The following MSH6 variants were observed in gnomAD, a reference collection of about 807,000 sequenced individuals.
MSH6 encodes mutS homolog 6.
A neutral mutation model predicts 119.1 loss-of-function variants in MSH6; 85 were observed. That is an observed-to-expected ratio of 0.71 (90% CI 0.60 to 0.85). The LOEUF is 0.85. MSH6 is among the 40% of genes least tolerant of loss of function. The probability of loss-of-function intolerance (pLI) is 0.00; values close to 1 mark genes in which losing one functional copy is unlikely to be tolerated. For missense variants in MSH6, 2,163 were observed against 1,655.3 expected, an observed-to-expected ratio of 1.31 and a Z score of -5.32; for synonymous variants, 830 against 586.9, an observed-to-expected ratio of 1.41 and a Z score of -5.99.
chr2:47,799,771 T>G lies in MSH6; in HGVS notation c.1788T>G (p.Phe596Leu), dbSNP rs1669373352. The change falls in exon 4 of 10, where the codon TTT (phenylalanine) becomes TTG (leucine). Residue 596 changes from phenylalanine (F) to leucine (L), a missense_variant. By Grantham distance (22) the Phe-to-Leu change is conservative (BLOSUM62 0). Transcript: ENST00000234420. ...VAHYPPVQVL[F>L]EKGNLSKETK... ...ACTATCCCCCAGTACAAGTTTTATT[T>G]GAAAAAGGAAATCTCTCAAAGGAAA... 6.2e-7 allele frequency: 1 copy of G among 1,614,072 alleles called. No individual in the cohort carries two copies.
At chr2:47,795,772 A>G (rs1669042145) in intron 2 of MSH6, 122 bp from the exon 3 acceptor site, 3 of 830,482 alleles carry the variant, frequency 3.6e-6, no homozygotes, top group Non-Finnish European at 6.0e-6. Flanking sequence ...CACCTGGCAT[A>G]TATATATTTT....
Position 47,803,551 on chromosome 2 carries a change from A to C in MSH6, c.3304A>C (p.Thr1102Pro), listed in dbSNP as rs758782048. 6.2e-7 allele frequency: 1 copy of C among 1,614,140 alleles called. No individual in the cohort carries two copies. Among genetic ancestry groups the C allele is most frequent in the South Asian group, 1.1e-5 (1 of 91,082 alleles). The change falls in exon 5 of 10, where the codon ACT becomes CCT. Residue 1102 changes from threonine to proline, a missense_variant. Transcript: ENST00000234420. ...KGSRHPCITK[T>P]FFGDDFIPND... ...ATCACGCCATCCTTGCATTACGAAG[A>C]CTTTTTTTGGAGATGATTTTATTCC...
chr2:47,806,130 A>G, intron 7 of MSH6, 74 bp from the exon 8 acceptor site: 2 of 1,432,942 alleles, frequency 1.4e-6, no homozygotes, highest in Non-Finnish European at 2.0e-6. Flanking sequence ...TTTCTGTCCT[A>G]GCATTTTTGT....
At chr2:47,789,227 A>G (rs558961331) in intron 1 of MSH6, 6 of 287,960 alleles carry the variant, frequency 2.1e-5, no homozygotes, top group Admixed American at 5.2e-5. Context: ...CCCGGCCCAT[A>G]CTGCTATTTC....
intron 2 of MSH6, among the ~76,000 whole-genome samples, chr2:47,792,220 C>T (rs1191196536): frequency 6.6e-6 from 1 of 152,148 alleles, no homozygotes; most frequent in Non-Finnish European, 1.5e-5. Flanking sequence ...AACTTCTGAC[C>T]TCAGGTGATC....
chr2:47,794,693 C>A (rs1305628047), intron 2 of MSH6, among the ~76,000 whole-genome samples: 1 of 152,134 alleles, frequency 6.6e-6, no homozygotes, highest in Non-Finnish European at 1.5e-5. Context: ...GTTGGTTATT[C>A]TTTTATTTAT....
intron 8 of MSH6, 30 bp downstream of exon 8, chr2:47,806,388 T>A: frequency 6.2e-7 from 1 of 1,613,284 alleles, no homozygotes; most frequent in South Asian, 1.1e-5. Context: ...TTCCACAAAT[T>A]CGGTTTTTTG....
intron 2 of MSH6, among the ~76,000 whole-genome samples, chr2:47,792,228 A>T (rs1404614535): frequency 6.6e-6 from 1 of 152,166 alleles, no homozygotes; most frequent in Non-Finnish European, 1.5e-5. Flanking sequence ...ACCTCAGGTG[A>T]TCTGCCCATT....
chr2:47,793,572 A>G (rs1015151098), intron 2 of MSH6, among the ~76,000 whole-genome samples: 6 of 151,156 alleles, frequency 4.0e-5, no homozygotes, highest in Admixed American at 4.0e-4. Context: ...GCGCCACTGC[A>G]CTCCAGCCTG....
At chr2:47,789,280 G>T in intron 1 of MSH6, 1 of 351,542 alleles carries the variant, frequency 2.8e-6, no homozygotes, top group Non-Finnish European at 5.7e-6. Context: ...TAAGTGTAAT[G>T]GTATATAAAG....
intron 4 of MSH6, 55 bp downstream of exon 4, chr2:47,801,210 G>A (rs1476951891): frequency 6.4e-7 from 1 of 1,569,900 alleles, no homozygotes; most frequent in African/African-American, 1.3e-5. Context: ...CTGTTTGCCA[G>A]CTGTATATTA....
chr2:47,800,259 T>C lies in MSH6; in HGVS notation c.2276T>C (p.Leu759Pro), dbSNP rs1553413655. Residue 759 changes from leucine (L) to proline (P), a missense_variant, in exon 4 of 10, where the codon CTA (leucine) becomes CCA (proline). Transcript: ENST00000234420. ...AATGGTTCTACTGAAGGAACCCTAC[T>C]AGAGAGGGTTGATACTTGCCATACT... Reference protein sequence around the residue: ...GTNGSTEGTLLERVDTCHTPF... With the variant: ...GTNGSTEGTLPERVDTCHTPF... 6.2e-7 allele frequency: 1 copy of C among 1,614,044 alleles called. No individual in the cohort carries two copies.
At chr2:47,808,871 T>C, downstream of MSH6, 1 of 292,768 alleles carries the variant, frequency 3.4e-6, no homozygotes, top group Non-Finnish European at 6.3e-6. Context: ...GGTCTTTGTT[T>C]TGTTTTGTAG....
intron 6 of MSH6, 144 bp downstream of exon 6, chr2:47,805,171 T>C: frequency 1.5e-6 from 1 of 665,860 alleles, no homozygotes; most frequent in East Asian, 2.8e-5. Context: ...AAGAACTGCA[T>C]AGTCTCTCTC....
chr2:47,790,329 C>T (rs769654478), intron 1 of MSH6, among the ~76,000 whole-genome samples: 12 of 152,152 alleles, frequency 7.9e-5, no homozygotes, highest in Non-Finnish European at 1.3e-4. Context: ...GAGGCTGAGA[C>T]ACAAGAATCG....
chr2:47,805,442 T>TG (rs1022932253), intron 6 of MSH6, among the ~76,000 whole-genome samples, 176 bp from the exon 7 acceptor site: 43 of 152,304 alleles, frequency 2.8e-4, no homozygotes, highest in African/African-American at 9.4e-4. Context: ...CCTCCCAAAG[T>TG]GCTGGGATTA....
rs964962194 is a variant in MSH6, at chr2:47,783,186, T to A, written c.-48T>A. The stretch of plus-strand genomic sequence containing the variant: ...GGAGCCGCGCGGTAGATGCGGTGCT[T>A]TTAGGAGCTCCGTCCGACAGAACGG... On this transcript the variant is annotated 5_prime_UTR_variant, in exon 1 of 10. Transcript: ENST00000234420. 1 of 1,606,652 alleles carries A rather than the reference T, an allele frequency of 6.2e-7. No individual in the cohort carries two copies. The highest frequency in any genetic ancestry group is 8.5e-7 in the Non-Finnish European group (1 of 1,177,600).
intron 4 of MSH6, 73 bp downstream of exon 4, chr2:47,801,228 AAATAAGT>A (rs749983057): frequency 6.7e-7 from 1 of 1,486,270 alleles, no homozygotes; most frequent in Non-Finnish European, 9.3e-7. Flanking sequence ...TTATCCCTAA[AAATAAGT>A]AATAAGGTAT....
At chr2:47,786,425 C>T (rs761092847) in intron 1 of MSH6, among the ~76,000 whole-genome samples, 1 of 152,018 alleles carries the variant, frequency 6.6e-6, no homozygotes, top group African/African-American at 2.4e-5. Flanking sequence ...ACCTCCGCCT[C>T]CTGGGTTCCA....
Sources: allele counts gnomAD v4.1 joint callset (sites outside exome capture counted in the v4.1 genomes callset), GRCh38; gene constraint gnomAD v4.1.1; transcripts MANE v1.5; gene names NCBI Gene and HGNC (gene_info 2026-07-23, HGNC 2026-07-21).